Variants in RBFOX1 observed in about 807,000 individuals in gnomAD.
RBFOX1 encodes the protein RNA binding fox-1 homolog 1, also known as RNA binding protein fox-1 homolog 1.
A neutral mutation model predicts 57.7 loss-of-function variants in RBFOX1; 8 were observed. The ratio of observed to expected loss-of-function variants is 0.14; its 90% CI spans 0.08 to 0.25. The LOEUF (loss-of-function observed/expected upper bound fraction) is 0.25. RBFOX1 is among the 10% of genes least tolerant of loss of function. The pLI is 1.00. For synonymous variants in RBFOX1, 326 were observed against 222.4 expected (o/e 1.47, Z -4.15); for missense variants, 611 against 548.5 (o/e 1.11, Z -1.14).
At chr16:6,941,825 C>CT (rs200592536) in intron 3 of RBFOX1, among the ~76,000 whole-genome samples, 1 of 151,852 alleles carries the variant, frequency 6.6e-6, no homozygotes, top group Non-Finnish European at 1.5e-5. Flanking sequence ...GAATGAGCTG[C>CT]TTTTTTTTCC....
intron 2 of RBFOX1, among the ~76,000 whole-genome samples, chr16:6,594,129 A>G (rs916256593): frequency 1.3e-5 from 2 of 152,252 alleles, no homozygotes; most frequent in African/African-American, 4.8e-5. Context: ...GCAATTCATA[A>G]GAAATGACAG....
chr16:7,008,448 C>T (rs1027834978), intron 3 of RBFOX1, among the ~76,000 whole-genome samples: 7 of 151,810 alleles, frequency 4.6e-5, no homozygotes, highest in African/African-American at 1.7e-4. Flanking sequence ...TCAGAGGCAG[C>T]AGAATCGCTT....
chr16:7,340,739 C>G (rs73563884), intron 4 of RBFOX1, among the ~76,000 whole-genome samples: 2 of 152,152 alleles, frequency 1.3e-5, no homozygotes, highest in African/African-American at 2.4e-5. Context: ...TCCCATCATT[C>G]CAAAGCACTC....
intron 3 of RBFOX1, chr16:6,748,858 G>A (rs781702885): frequency 5.9e-5 from 9 of 152,124 alleles, no homozygotes; most frequent in Non-Finnish European, 1.0e-4. Context: ...TCAGCAATGA[G>A]CAAGACTGAT....
intron 11 of RBFOX1, among the ~76,000 whole-genome samples, chr16:7,649,562 T>C (rs1381115335): frequency 6.6e-6 from 1 of 152,008 alleles, no homozygotes; most frequent in African/African-American, 2.4e-5. Context: ...TTGCATGCTG[T>C]TTATCTGCAA....
intron 4 of RBFOX1, among the ~76,000 whole-genome samples, chr16:5,968,944 G>C (rs2059905890): frequency 6.6e-6 from 1 of 152,010 alleles, no homozygotes; most frequent in Non-Finnish European, 1.5e-5. Flanking sequence ...CCTTTGCTGA[G>C]AGGACTATTT....
chr16:6,394,044 C>T (rs1178619074), intron 2 of RBFOX1, among the ~76,000 whole-genome samples: 1 of 152,130 alleles, frequency 6.6e-6, no homozygotes, highest in Non-Finnish European at 1.5e-5. Context: ...TCCTTATTAC[C>T]AACATGCATA....
intron 3 of RBFOX1, among the ~76,000 whole-genome samples, chr16:6,839,557 TG>T (rs1165782125): frequency 2.0e-5 from 3 of 152,200 alleles, no homozygotes; most frequent in Admixed American, 2.0e-4. Context: ...CTGAGAACAC[TG>T]AAATGCCAGC....
intron 4 of RBFOX1, among the ~76,000 whole-genome samples, chr16:7,103,352 C>T (rs996901153): frequency 3.9e-5 from 6 of 152,240 alleles, no homozygotes; most frequent in South Asian, 2.1e-4. Flanking sequence ...GGGCAGGCAT[C>T]GTTCCTGATG....
At chr16:6,850,281 T>A (rs2093993980) in intron 3 of RBFOX1, among the ~76,000 whole-genome samples, 1 of 152,136 alleles carries the variant, frequency 6.6e-6, no homozygotes, top group African/African-American at 2.4e-5. Context: ...AATAAATAAT[T>A]GCATACTTAC....
intron 3 of RBFOX1, among the ~76,000 whole-genome samples, chr16:7,021,960 C>T (rs1177374494): frequency 9.3e-6 from 1 of 107,792 alleles, no homozygotes; most frequent in African/African-American, 3.7e-5. Context: ...TTCTTTCTCT[C>T]TCTCTCTCCC....
At chr16:6,271,544 A>G (rs2075219801) in intron 1 of RBFOX1, among the ~76,000 whole-genome samples, 1 of 152,224 alleles carries the variant, frequency 6.6e-6, no homozygotes, top group African/African-American at 2.4e-5. Context: ...TTTTGAACAG[A>G]TGAGTAAGAC....
intron 4 of RBFOX1, among the ~76,000 whole-genome samples, chr16:7,213,450 G>T (rs1193224932): frequency 6.6e-6 from 1 of 152,116 alleles, no homozygotes; most frequent in Non-Finnish European, 1.5e-5. Flanking sequence ...ACAAAATGTG[G>T]TCCATGAATC....
chr16:6,327,939 G>A (rs572159009), intron 2 of RBFOX1, among the ~76,000 whole-genome samples: 67 of 152,228 alleles, frequency 4.4e-4, no homozygotes, highest in South Asian at 3.7e-3. Context: ...CTGCTTTTAT[G>A]GGGCGTACAC....
chr16:6,239,995 C>T (rs1346153973), intron 1 of RBFOX1, among the ~76,000 whole-genome samples: 2 of 152,048 alleles, frequency 1.3e-5, no homozygotes, highest in Non-Finnish European at 2.9e-5. Flanking sequence ...GTGTTTCGGT[C>T]ATCGGAGTGG....
intron 14 of RBFOX1, among the ~76,000 whole-genome samples, chr16:7,686,477 C>T (rs531204636): frequency 1.6e-4 from 25 of 152,198 alleles, no homozygotes; most frequent in Admixed American, 9.2e-4. Flanking sequence ...ACCCAGCCTT[C>T]GAACTATCAC....
intron 12 of RBFOX1, among the ~76,000 whole-genome samples, chr16:7,663,861 T>C (rs1470523883): frequency 6.6e-6 from 1 of 152,206 alleles, no homozygotes; most frequent in Non-Finnish European, 1.5e-5. Flanking sequence ...GCTTAGGAAA[T>C]ACAAATCAGT....
intron 1 of RBFOX1, among the ~76,000 whole-genome samples, chr16:5,252,350 G>T (rs34600936): frequency 1.3e-5 from 2 of 152,024 alleles, no homozygotes; most frequent in Admixed American, 1.3e-4. Flanking sequence ...TATATCCCAT[G>T]CAATATTTGG....
At chr16:7,600,541 A>C (rs2094957500) in intron 9 of RBFOX1, among the ~76,000 whole-genome samples, 1 of 152,210 alleles carries the variant, frequency 6.6e-6, no homozygotes, top group Admixed American at 6.5e-5. Flanking sequence ...CATTGAAATG[A>C]GAAAATTAAG....
Sources: allele counts gnomAD v4.1 joint callset (sites outside exome capture counted in the v4.1 genomes callset), GRCh38; gene constraint gnomAD v4.1.1; transcripts MANE v1.5; gene names NCBI Gene and HGNC (gene_info 2026-07-23, HGNC 2026-07-21).